Variants in ELP3 observed in about 807,000 individuals in gnomAD.
ELP3 encodes elongator complex protein 3.
ELP3 carries 56 observed loss-of-function variants against 74.9 expected under a neutral mutation model. The observed-to-expected ratio is 0.75, with a 90% CI of 0.60 to 0.93. The LOEUF is 0.93. ELP3 is among the 40% of genes least tolerant of loss of function. ELP3 has a pLI of 0.00. For synonymous variants in ELP3, 222 were observed against 239.8 expected, an observed-to-expected ratio of 0.93 and a Z score of 0.68; for missense variants, 573 against 686.5, an observed-to-expected ratio of 0.83 and a Z score of 1.85.
chr8:28,126,404 T>A (rs1380483679), intron 7 of ELP3, among the ~76,000 whole-genome samples: 2 of 152,212 alleles, frequency 1.3e-5, no homozygotes, highest in East Asian at 1.9e-4. Context: ...GCATCTTTTA[T>A]AGCTGGTGCC....
At position 28,190,808 on chromosome 8, in the gene ELP3, C is replaced by T. The variant is rs1359411501; in HGVS notation, c.*1083C>T. 6.6e-6 allele frequency: 1 copy of T among 152,206 alleles called. No homozygotes were observed. The highest frequency in any genetic ancestry group is 1.5e-5 in the Non-Finnish European group (1 of 68,062). 9.4% of individuals were successfully genotyped at this position (152,206 alleles called of 1,614,324 possible). On this transcript the variant is annotated 3_prime_UTR_variant, in exon 15 of 15. Transcript: ENST00000256398. The stretch of plus-strand genomic sequence containing the variant: ...TCCTGACCTCAGGTGATCAACCCAC[C>T]TTGGCCTCCCTAAATGCCGGGATTA...
At chr8:28,127,115 T>G (rs943465205) in intron 7 of ELP3, among the ~76,000 whole-genome samples, 3 of 152,228 alleles carry the variant, frequency 2.0e-5, no homozygotes, top group Non-Finnish European at 4.4e-5. Flanking sequence ...TGAAATGGAG[T>G]TAAATTATTA....
rs1813955360 is a variant in ELP3 at position 28,158,932 on chromosome 8, GTTGAGCACT to G, written c.1257+301_1257+309del. Reference sequence around the variant, plus strand: ...TCCAATATCCAATATGGTGGTGACTGTTGAGCACTTGCAATATGGCTTGTACAAATGAGG... The same window carrying G: ...TCCAATATCCAATATGGTGGTGACTGTGCAATATGGCTTGTACAAATGAGG... On this transcript the variant is annotated intron_variant, in intron 12 of 14. Transcript: ENST00000256398. Among the ~76,000 whole-genome samples, 10 of 152,340 alleles carry G rather than the reference GTTGAGCACT, an allele frequency of 6.6e-5. No individual in the cohort carries two copies. The South Asian group carries it at 2.1e-3, about 32-fold the overall frequency.
upstream of ELP3, among the ~76,000 whole-genome samples, chr8:28,090,605 C>G (rs1811028927): frequency 6.6e-6 from 1 of 151,112 alleles, no homozygotes; most frequent in South Asian, 2.1e-4. Flanking sequence ...GGTCGTTTAC[C>G]CTTAAAGGTA....
intron 3 of ELP3, among the ~76,000 whole-genome samples, chr8:28,102,711 A>G (rs1246550670): frequency 6.6e-6 from 1 of 152,212 alleles, no homozygotes; most frequent in Non-Finnish European, 1.5e-5. Flanking sequence ...ATTGTTTGGT[A>G]CATTTGTTAG....
chr8:28,168,492 A>G (rs1184442501), intron 14 of ELP3, among the ~76,000 whole-genome samples: 1 of 152,184 alleles, frequency 6.6e-6, no homozygotes, highest in Non-Finnish European at 1.5e-5. Context: ...GTTTATGGAT[A>G]TAGGGAATCA....
intron 14 of ELP3, among the ~76,000 whole-genome samples, chr8:28,169,565 C>G (rs954987414): frequency 3.9e-5 from 6 of 152,104 alleles, no homozygotes; most frequent in African/African-American, 1.4e-4. Flanking sequence ...AGCTGGGGTT[C>G]TAAGAGGGAG....
At position 28,183,889 on chromosome 8, in the gene ELP3, G is replaced by A. The variant is rs143350370; in HGVS notation, c.1568-5760G>A. The stretch of plus-strand genomic sequence containing the variant: ...AGCCTGTGGGCGCCTCTCCTCTGGC[G>A]GAGGCAGAGCAGTTAGGCTGAGGGC... On this transcript the variant is annotated intron_variant, in intron 14 of 14. Transcript: ENST00000256398. Among the ~76,000 whole-genome samples, 995 of 152,336 alleles carry A rather than the reference G, an allele frequency of 6.5e-3. 10 individuals carry two copies. The highest frequency in any genetic ancestry group is 0.022 in the African/African-American group (923 of 41,574).
rs1268668208 is a variant in ELP3, at chr8:28,116,630, C to T, written c.617+3457C>T. 2.6e-5 allele frequency among the ~76,000 whole-genome samples: 4 copies of T among 152,122 alleles called. No homozygotes were observed. In the East Asian group the frequency reaches 7.7e-4, roughly 29 times the overall value. On this transcript the variant is annotated intron_variant, in intron 7 of 14. Coordinates refer to ENST00000256398, the MANE Select transcript of ELP3 (RefSeq NM_018091.6). Reference sequence around the variant, plus strand: ...AGGCTGGTGCCTCTAGTCCCAGCTACTTGGGAGGCCGAGGCACAGAAACAC... The same window carrying T: ...AGGCTGGTGCCTCTAGTCCCAGCTATTTGGGAGGCCGAGGCACAGAAACAC...
chr8:28,185,621 T>G (rs1815208912), intron 14 of ELP3, among the ~76,000 whole-genome samples: 1 of 152,086 alleles, frequency 6.6e-6, no homozygotes, highest in South Asian at 2.1e-4. Context: ...AGGGGAAGTA[T>G]CTGCACAGGT....
chr8:28,179,268 AT>A (rs1814897453), intron 14 of ELP3, among the ~76,000 whole-genome samples: 2 of 152,058 alleles, frequency 1.3e-5, no homozygotes, highest in African/African-American at 4.8e-5. Flanking sequence ...TCTTCAAAGT[AT>A]TTTCTTCATT....
intron 8 of ELP3, 39 bp from the exon 9 acceptor site, chr8:28,132,239 A>G: frequency 6.2e-7 from 1 of 1,610,786 alleles, no homozygotes; most frequent in Non-Finnish European, 8.5e-7. Flanking sequence ...TTACACAAAT[A>G]GGTAGTGATT....
intron 14 of ELP3, among the ~76,000 whole-genome samples, chr8:28,170,557 G>C (rs897805582): frequency 5.3e-5 from 8 of 152,072 alleles, no homozygotes; most frequent in African/African-American, 1.9e-4. Flanking sequence ...GCGCGTGCTG[G>C]CCATTTATCT....
Position 28,190,526 on chromosome 8 carries a change from G to T in ELP3, c.*801G>T, listed in dbSNP as rs1042636839. The stretch of plus-strand genomic sequence containing the variant: ...TCCTGAGCGGGTGGAGTCTCAGGTT[G>T]TGTGCCCCTAAATCAAGATTTGCTT... On this transcript the variant is annotated 3_prime_UTR_variant, in exon 15 of 15. Coordinates refer to ENST00000256398, the MANE Select transcript of ELP3 (RefSeq NM_018091.6). The T allele has an allele frequency of 6.6e-6, 1 of 152,006 alleles. No homozygotes were observed. The highest frequency in any genetic ancestry group is 1.5e-5 in the Non-Finnish European group (1 of 68,040). The allele number at this position is 152,006 out of a possible 1,614,324, so 9.4% of individuals were successfully genotyped here. A position where few individuals can be genotyped will look rare whatever the true frequency, so the allele number is the denominator to read the frequency against.
intron 7 of ELP3, among the ~76,000 whole-genome samples, chr8:28,118,407 G>A (rs1453549925): frequency 6.6e-6 from 1 of 152,232 alleles, no homozygotes. Flanking sequence ...GTAGCAAGCA[G>A]TGTGTTATAT....
At chr8:28,173,703 G>A (rs1814627697) in intron 14 of ELP3, among the ~76,000 whole-genome samples, 1 of 151,164 alleles carries the variant, frequency 6.6e-6, no homozygotes, top group South Asian at 2.1e-4. Flanking sequence ...AATCCCAAAT[G>A]TGATCATATG....
chr8:28,152,604 A>C (rs1813684744), intron 10 of ELP3, among the ~76,000 whole-genome samples: 1 of 152,136 alleles, frequency 6.6e-6, no homozygotes, highest in Non-Finnish European at 1.5e-5. Flanking sequence ...TCAGGAGTTC[A>C]AGACCAGCCT....
chr8:28,177,196 T>G (rs1390590203), intron 14 of ELP3, among the ~76,000 whole-genome samples: 1 of 152,218 alleles, frequency 6.6e-6, no homozygotes, highest in Non-Finnish European at 1.5e-5. Flanking sequence ...TTTGAAGAAC[T>G]AAGATTATAC....
At chr8:28,174,241 C>A (rs923091390) in intron 14 of ELP3, among the ~76,000 whole-genome samples, 7 of 151,918 alleles carry the variant, frequency 4.6e-5, no homozygotes, top group Non-Finnish European at 8.8e-5. Context: ...TCCCTTAAGT[C>A]CTGTCAAGTT....
Sources: gnomAD v4.1 joint callset for allele counts (sites outside exome capture counted in the v4.1 genomes callset) on GRCh38, gnomAD v4.1.1 for gene constraint, MANE v1.5 for transcripts, NCBI Gene and HGNC (gene_info 2026-07-23, HGNC 2026-07-21) for gene names.